Variants in NAV2 observed in about 807,000 individuals in gnomAD.
NAV2 encodes the protein helicase, APC down-regulated 1.
In NAV2, 54 loss-of-function variants were observed where a neutral mutation model predicts 223.2. That is an observed-to-expected ratio of 0.24 (90% CI 0.19 to 0.30). The LOEUF (loss-of-function observed/expected upper bound fraction) is 0.30, where lower values mean the gene tolerates loss of function less well. NAV2 is among the 10% of genes least tolerant of loss of function. The pLI, the probability that NAV2 is intolerant of heterozygous loss-of-function variation, is 1.00. For missense variants in NAV2, 2,806 were observed against 3,147.5 expected, an observed-to-expected ratio of 0.89 and a Z score of 2.60; for synonymous variants, 1,279 against 1,239.3, an observed-to-expected ratio of 1.03 and a Z score of -0.67.
intron 11 of NAV2, among the ~76,000 whole-genome samples, chr11:19,989,851 C>A (rs2051153268): frequency 6.6e-6 from 1 of 152,216 alleles, no homozygotes; most frequent in Non-Finnish European, 1.5e-5. Context: ...CTGATCACCC[C>A]CCAAATCCTC....
chr11:19,615,771 G>A lies in NAV2; in HGVS notation c.76-216713G>A, dbSNP rs568976954. On this transcript the variant is annotated intron_variant, in intron 1 of 37. Transcript: ENST00000360655. ...GTAGCAGCCTCCATTTATTGAGAGC[G>A]TGTGATGTGCTAGCACCCTGCTCCT... 5.1e-4 allele frequency among the ~76,000 whole-genome samples: 78 copies of A among 152,276 alleles called. No homozygotes were observed. In the South Asian group the frequency reaches 0.012, roughly 24 times the overall value.
At chr11:19,682,750 G>A (rs1288762919) in intron 1 of NAV2, among the ~76,000 whole-genome samples, 3 of 152,178 alleles carry the variant, frequency 2.0e-5, no homozygotes, top group Non-Finnish European at 4.4e-5. Flanking sequence ...AGCAGATCTT[G>A]CATGAACTGA....
intron 1 of NAV2, among the ~76,000 whole-genome samples, chr11:19,788,310 A>T (rs535743836): frequency 6.6e-6 from 1 of 152,168 alleles, no homozygotes; most frequent in African/African-American, 2.4e-5. Flanking sequence ...GAGGGGGGAA[A>T]ATTGCCCCAG....
chr11:19,564,874 C>T lies in NAV2; in HGVS notation c.75+213847C>T, dbSNP rs543342452. Among the ~76,000 whole-genome samples, 8 of 152,344 alleles carry T rather than the reference C, an allele frequency of 5.3e-5. No individual in the cohort carries two copies. The East Asian group carries it at 1.5e-3, about 29-fold the overall frequency. On this transcript the variant is annotated intron_variant, in intron 1 of 37. Coordinates refer to the NAV2 transcript ENST00000360655. Reference sequence around the variant, plus strand: ...ACTGGGCCGGGCGTGGTGGCTCACGCCTGTAATCCCAGCACTTTGGGAAGC... The same window carrying T: ...ACTGGGCCGGGCGTGGTGGCTCACGTCTGTAATCCCAGCACTTTGGGAAGC...
At chr11:19,977,359 C>A (rs2049852462) in intron 10 of NAV2, among the ~76,000 whole-genome samples, 1 of 152,246 alleles carries the variant, frequency 6.6e-6, no homozygotes. Context: ...CTTGGGCTTT[C>A]TCTCCAAAGG....
chr11:20,082,605 G>A (rs756647913), intron 25 of NAV2: 2 of 1,613,642 alleles, frequency 1.2e-6, no homozygotes, highest in East Asian at 2.2e-5. Context: ...AATGAGGTAA[G>A]CAAGACCAAC....
chr11:19,879,692 G>A (rs750353952), intron 4 of NAV2, among the ~76,000 whole-genome samples, 177 bp from the exon 5 acceptor site: 85 of 152,242 alleles, frequency 5.6e-4, no homozygotes, highest in Admixed American at 4.1e-3. Context: ...TCCTAATGGC[G>A]AGAATAAGCT....
rs537533799 is a variant in NAV2, at chr11:19,899,617, G to T, written c.931+7023G>T. ...TGAGACACAGACTCTGCTTCCCAGG[G>T]ACTCACAGTCTCAGAGAGGAATGAT... On this transcript the variant is annotated intron_variant, in intron 6 of 37. Transcript: ENST00000349880. Among the ~76,000 whole-genome samples, 19 of 152,286 alleles carry T rather than the reference G, an allele frequency of 1.2e-4. No homozygotes were observed. In the South Asian group the frequency reaches 3.9e-3, roughly 32 times the overall value.
At chr11:19,898,166 T>C (rs997253581) in intron 6 of NAV2, among the ~76,000 whole-genome samples, 3 of 152,116 alleles carry the variant, frequency 2.0e-5, no homozygotes, top group African/African-American at 7.2e-5. Flanking sequence ...CTTACATGCA[T>C]ATAGAAGATA....
intron 1 of NAV2, among the ~76,000 whole-genome samples, chr11:19,417,257 A>C (rs1850410749): frequency 1.3e-5 from 2 of 152,212 alleles, no homozygotes; most frequent in African/African-American, 4.8e-5. Context: ...CCAGAAAAAA[A>C]CACAACCCCA....
At chr11:19,345,529 C>T in the NAV2 span, among the ~76,000 whole-genome samples, 1 of 152,196 alleles carries the variant, frequency 6.6e-6, no homozygotes, top group Admixed American at 6.5e-5. The surrounding 1 kb of genome is among the most constrained non-coding windows in gnomAD (Gnocchi z 5.2). Flanking sequence ...ACCTCTGCTG[C>T]GGGACTCTGA....
chr11:19,965,452 G>T (rs1348823579), intron 10 of NAV2, among the ~76,000 whole-genome samples: 1 of 151,924 alleles, frequency 6.6e-6, no homozygotes, highest in Non-Finnish European at 1.5e-5. Context: ...TTCATGGAAC[G>T]CCAGTCACTG....
chr11:19,520,456 C>T (rs1461385694), intron 1 of NAV2, among the ~76,000 whole-genome samples: 1 of 152,232 alleles, frequency 6.6e-6, no homozygotes, highest in Admixed American at 6.5e-5. Flanking sequence ...GCCTCCCTGT[C>T]CCATACCTCA....
intron 1 of NAV2, among the ~76,000 whole-genome samples, chr11:19,587,870 C>G (rs1162322088): frequency 6.6e-6 from 1 of 152,212 alleles, no homozygotes; most frequent in Non-Finnish European, 1.5e-5. Flanking sequence ...ACATTTCTAG[C>G]CAGTGGATAG....
At chr11:19,603,641 AAAAAAAAAG>A (rs2046406438) in intron 1 of NAV2, among the ~76,000 whole-genome samples, 1 of 151,534 alleles carries the variant, frequency 6.6e-6, no homozygotes, top group African/African-American at 2.4e-5. Flanking sequence ...CAAAAAAAAA[AAAAAAAAAG>A]AAAAAAGAAA....
At chr11:19,858,014 G>A (rs1373254751) in intron 3 of NAV2, among the ~76,000 whole-genome samples, 3 of 152,124 alleles carry the variant, frequency 2.0e-5, no homozygotes, top group Non-Finnish European at 4.4e-5. Context: ...CCGCCACCAT[G>A]CCCGGCTAAT....
intron 1 of NAV2, among the ~76,000 whole-genome samples, chr11:19,488,200 G>T (rs2042509425): frequency 6.6e-6 from 1 of 152,148 alleles, no homozygotes; most frequent in Admixed American, 6.6e-5. Flanking sequence ...CAAGGTTTCT[G>T]GGACCACTGC....
intron 35 of NAV2, among the ~76,000 whole-genome samples, chr11:20,106,071 A>G (rs1360543976): frequency 6.7e-6 from 1 of 150,088 alleles, no homozygotes; most frequent in African/African-American, 2.5e-5. Context: ...AGAACAGAGA[A>G]AAAAGATCAC....
At chr11:19,350,246 T>C (rs576138619), upstream of NAV2, among the ~76,000 whole-genome samples, 1 of 152,284 alleles carries the variant, frequency 6.6e-6, no homozygotes, top group South Asian at 2.1e-4. Context: ...CAGAGGAGCT[T>C]GGAAAACGAT....
Sources: allele counts gnomAD v4.1 joint callset (sites outside exome capture counted in the v4.1 genomes callset), GRCh38; gene constraint gnomAD v4.1.1; non-coding constraint Gnocchi (gnomAD v3.1); transcripts MANE v1.5; gene names NCBI Gene and HGNC (gene_info 2026-07-23, HGNC 2026-07-21).